MAP3K3: variants seen among roughly 807,000 people sequenced by gnomAD.
The protein encoded by MAP3K3 is mitogen-activated protein kinase kinase kinase 3.
A neutral mutation model predicts 80.9 loss-of-function variants in MAP3K3; 12 were observed. The observed-to-expected ratio is 0.15, with a 90% CI of 0.10 to 0.24. MAP3K3 has a LOEUF of 0.24. MAP3K3 is among the 10% of genes least tolerant of loss of function. The pLI is 1.00. For missense variants in MAP3K3, 596 were observed against 834.7 expected (o/e 0.71, Z 3.52); for synonymous variants, 272 against 307.1 (o/e 0.89, Z 1.19).
intron 1 of MAP3K3, among the ~76,000 whole-genome samples, chr17:63,625,933 C>T (rs1286856719): frequency 1.3e-5 from 2 of 151,978 alleles, no homozygotes; most frequent in African/African-American, 2.4e-5. Context: ...CTTAGCTGGG[C>T]GTAGTGGCAT....
Position 63,657,907 on chromosome 17 carries a change from T to C in MAP3K3, c.381T>C (p.His127=), listed in dbSNP as rs775832508. The stretch of plus-strand genomic sequence containing the variant: ...TGCTGTTGTCCCAGGACAGAAACCA[T>C]GTAAGTAGCCCTTGTCATGGTCTGG... ...RILLLSQDRN[H]NSSSPHSGVS... The change falls in exon 5 of 16, where the codon CAT becomes CAC. Residue 127 remains histidine, a splice_region_variant and synonymous_variant. Transcript: ENST00000361733. 3.9e-6 allele frequency: 6 copies of C among 1,540,068 alleles called. No individual in the cohort carries two copies. Among genetic ancestry groups the C allele is most frequent in the Admixed American group, 3.5e-5 (2 of 57,802 alleles).
Position 63,689,442 on chromosome 17 carries a change from A to G in MAP3K3, c.872-102A>G. On this transcript the variant is annotated intron_variant, in intron 10 of 15. Coordinates refer to ENST00000361733, the MANE Select transcript of MAP3K3 (RefSeq NM_002401.5). The surrounding 1 kb of genome is among the most constrained non-coding windows in gnomAD (Gnocchi z 4.3). ...CACTTCTGGCTGAGACCTGGTTTGT[A>G]TATTCCGCCTTGTAGCCCGGGGTGT... 1.0e-6 allele frequency: 1 copy of G among 995,642 alleles called. No homozygotes were observed. Among genetic ancestry groups the G allele is most frequent in the Non-Finnish European group, 1.5e-6 (1 of 677,562 alleles). 61.7% of individuals were successfully genotyped at this position (995,642 alleles called of 1,614,324 possible).
At chr17:63,638,713 T>C (rs2034382024) in intron 2 of MAP3K3, among the ~76,000 whole-genome samples, 1 of 152,206 alleles carries the variant, frequency 6.6e-6, no homozygotes, top group Admixed American at 6.5e-5. Context: ...TCCATTCAGT[T>C]TAACATGTGC....
intron 5 of MAP3K3, among the ~76,000 whole-genome samples, chr17:63,663,000 G>A (rs1056196328): frequency 6.6e-6 from 1 of 151,376 alleles, no homozygotes; most frequent in Admixed American, 6.6e-5. Flanking sequence ...TAGAATTATT[G>A]TAGTCCTTGG....
At position 63,689,872 on chromosome 17, in the gene MAP3K3, C is replaced by T. The variant is rs185533892; in HGVS notation, c.1063+137C>T. 6.5e-4 allele frequency: 493 copies of T among 753,124 alleles called. No individual in the cohort carries two copies. In the Admixed American group the frequency reaches 0.012, roughly 18 times the overall value. The allele number at this position is 753,124 out of a possible 1,614,324, so 46.7% of individuals were successfully genotyped here. ...CCCAAATGCACCACATGGGATAAGC[C>T]TTGGAGTGTCTGAAGCCTGGCTCCA... is the stretch of plus-strand genomic sequence containing the variant. On this transcript the variant is annotated intron_variant, in intron 11 of 15. Transcript: ENST00000361733. The surrounding 1 kb of genome is among the most constrained non-coding windows in gnomAD (Gnocchi z 4.3).
At position 63,634,850 on chromosome 17, in the gene MAP3K3, C is replaced by T. The variant is rs181639208; in HGVS notation, c.126+2048C>T. On this transcript the variant is annotated intron_variant, in intron 2 of 15. Transcript: ENST00000361733. Reference sequence around the variant, plus strand: ...AAGCCAAAATGTACTTTTAAATCTGCTACTCATGCTGCAACAGCAGAATTC... The same window carrying T: ...AAGCCAAAATGTACTTTTAAATCTGTTACTCATGCTGCAACAGCAGAATTC... The T allele has an allele frequency of 8.2e-4, 1,180 of 1,446,404 alleles. 1 individual carries two copies. The highest frequency in any genetic ancestry group is 9.0e-4 in the Non-Finnish European group (927 of 1,035,628). 89.6% of individuals were successfully genotyped at this position (1,446,404 alleles called of 1,614,324 possible). A position where few individuals can be genotyped will look rare whatever the true frequency, so the allele number is the denominator to read the frequency against.
chr17:63,650,696 G>GTT lies in MAP3K3; in HGVS notation c.168-1848_168-1847dup, dbSNP rs1555688792. Among the ~76,000 whole-genome samples, 411 of 112,468 alleles carry GTT rather than the reference G, an allele frequency of 3.7e-3. 2 individuals carry two copies. Among genetic ancestry groups the GTT allele is most frequent in the African/African-American group, 0.014 (383 of 27,104 alleles). The allele number at this position is 112,468 out of a possible 152,430, so 73.8% of individuals were successfully genotyped here. Reference sequence around the variant, plus strand: ...AGAGAGAGAGAGAGAGAGAGAGAGAGTTTTTTTTTTTTTTAGACAGGGTCT... The same window carrying GTT: ...AGAGAGAGAGAGAGAGAGAGAGAGAGTTTTTTTTTTTTTTTTAGACAGGGTCT... On this transcript the variant is annotated intron_variant, in intron 3 of 15. Transcript: ENST00000361733.
At chr17:63,666,728 A>G (rs997624978) in intron 5 of MAP3K3, among the ~76,000 whole-genome samples, 4 of 152,258 alleles carry the variant, frequency 2.6e-5, no homozygotes, top group Non-Finnish European at 4.4e-5. Context: ...CTCAGCGCTC[A>G]TACATCATTG....
intron 2 of MAP3K3, chr17:63,637,119 TAGAG>T (rs2034343801): frequency 5.3e-6 from 2 of 376,682 alleles, no homozygotes; most frequent in Middle Eastern, 8.9e-4. Context: ...TCTGAAGCCT[TAGAG>T]TGTGTGTGCG....
intron 8 of MAP3K3, among the ~76,000 whole-genome samples, chr17:63,686,041 A>G (rs537315845): frequency 1.3e-5 from 2 of 152,282 alleles, no homozygotes; most frequent in East Asian, 1.9e-4. Context: ...CTAGTGTACC[A>G]TGCCACCTGC....
intron 6 of MAP3K3, among the ~76,000 whole-genome samples, chr17:63,673,348 GT>G (rs539884266): frequency 6.6e-6 from 1 of 151,810 alleles, no homozygotes; most frequent in Non-Finnish European, 1.5e-5. Context: ...TGAATTCCAG[GT>G]TTTTTTCAGG....
intron 8 of MAP3K3, among the ~76,000 whole-genome samples, chr17:63,687,520 A>G (rs909109409): frequency 2.0e-5 from 3 of 151,392 alleles, no homozygotes; most frequent in African/African-American, 7.3e-5. Context: ...TCAAAAAGAA[A>G]AAAAAAAAAA....
At chr17:63,688,192 T>G in intron 8 of MAP3K3, 3 of 361,564 alleles carry the variant, frequency 8.3e-6, no homozygotes, top group South Asian at 3.3e-5. Flanking sequence ...TGTGGCTGTT[T>G]TTATTACTGC....
intron 6 of MAP3K3, among the ~76,000 whole-genome samples, chr17:63,669,931 C>T (rs938104804): frequency 6.6e-6 from 1 of 151,488 alleles, no homozygotes; most frequent in East Asian, 2.0e-4. Context: ...GGCAAAACCC[C>T]GTCTCTACAA....
chr17:63,656,813 A>G (rs528705722), intron 4 of MAP3K3, among the ~76,000 whole-genome samples: 12 of 152,280 alleles, frequency 7.9e-5, no homozygotes, highest in African/African-American at 2.9e-4. Flanking sequence ...ACGCTGCTGT[A>G]AAAAACTGCC....
chr17:63,646,147 G>C, intron 3 of MAP3K3, 73 bp downstream of exon 3: 3 of 1,361,962 alleles, frequency 2.2e-6, no homozygotes, highest in Non-Finnish European at 3.1e-6. Flanking sequence ...GTTCATGGAA[G>C]TCATTCCCCT....
At position 63,689,532 on chromosome 17, in the gene MAP3K3, G is replaced by T. The variant is rs757086427; in HGVS notation, c.872-12G>T. ...TGTGACTTGCTCTCCTCTGGCCCTT[G>T]CACCCTTTCAGGCAGAAGAACATTT... is the stretch of plus-strand genomic sequence containing the variant. On this transcript the variant is annotated splice_polypyrimidine_tract_variant and intron_variant, in intron 10 of 15. Coordinates refer to ENST00000361733, the MANE Select transcript of MAP3K3 (RefSeq NM_002401.5). The surrounding 1 kb of genome is among the most constrained non-coding windows in gnomAD (Gnocchi z 4.3). The T allele has an allele frequency of 1.2e-6, 2 of 1,608,856 alleles. No homozygotes were observed. Among genetic ancestry groups the T allele is most frequent in the Non-Finnish European group, 1.7e-6 (2 of 1,177,188 alleles).
chr17:63,664,098 A>AT (rs35601961), intron 5 of MAP3K3, among the ~76,000 whole-genome samples: 133 of 145,684 alleles, frequency 9.1e-4, no homozygotes, highest in African/African-American at 1.6e-3. Context: ...AAAAAAAAAA[A>AT]TAGCCGGGCG....
intron 2 of MAP3K3, among the ~76,000 whole-genome samples, chr17:63,636,040 C>A (rs929269298): frequency 6.6e-6 from 1 of 152,108 alleles, no homozygotes; most frequent in Non-Finnish European, 1.5e-5. Context: ...AAGGCAGAGT[C>A]GAGACTGGCA....
Sources: allele counts gnomAD v4.1 joint callset (sites outside exome capture counted in the v4.1 genomes callset), GRCh38; gene constraint gnomAD v4.1.1; non-coding constraint Gnocchi (gnomAD v3.1); transcripts MANE v1.5; gene names NCBI Gene and HGNC (gene_info 2026-07-23, HGNC 2026-07-21).